ZNF518A: variants seen among roughly 807,000 people sequenced by gnomAD.
ZNF518A encodes zinc finger protein 518A.
A neutral mutation model predicts 102.7 loss-of-function variants in ZNF518A; 47 were observed. The ratio of observed to expected loss-of-function variants is 0.46; its 90% CI spans 0.36 to 0.58. The LOEUF (loss-of-function observed/expected upper bound fraction) is 0.58. ZNF518A is among the 20% of genes least tolerant of loss of function. The pLI is 0.00. For synonymous variants in ZNF518A, 652 were observed against 594.6 expected (o/e 1.10, Z -1.40); for missense variants, 1,793 against 1,699.8 (o/e 1.05, Z -0.96).
At chr10:96,154,287 A>T (rs1554881371) in intron 3 of ZNF518A, among the ~76,000 whole-genome samples, 1 of 152,178 alleles carries the variant, frequency 6.6e-6, no homozygotes, top group African/African-American at 2.4e-5. Flanking sequence ...GTGAGCCGTG[A>T]TGGTGCCACT....
At position 96,201,054 on chromosome 10, in the gene ZNF518A, A is replaced by G. The variant is rs782051821; in HGVS notation, n.36-2520A>G. Reference sequence around the variant, plus strand: ...CCACAGTTGGGTTTCCCCCTTCTGTAAATCCTGAAAGGGATCAGAAAAGTC... The same window carrying G: ...CCACAGTTGGGTTTCCCCCTTCTGTGAATCCTGAAAGGGATCAGAAAAGTC... On this transcript the variant is annotated intron_variant and non_coding_transcript_variant, in intron 1 of 2. Coordinates refer to the ZNF518A transcript ENST00000442635. 15 of 1,613,670 alleles carry G rather than the reference A, an allele frequency of 9.3e-6. 1 individual carries two copies. The highest frequency in any genetic ancestry group is 3.3e-4 in the Middle Eastern group (2 of 6,084).
At chr10:96,133,752 TATC>T (rs1188830794) in intron 3 of ZNF518A, 104 bp downstream of exon 3, 2 of 152,178 alleles carry the variant, frequency 1.3e-5, no homozygotes, top group East Asian at 1.9e-4. Flanking sequence ...TTGCTTTAAT[TATC>T]ATAATAACCG....
At chr10:96,151,800 G>A (rs1165546788) in intron 3 of ZNF518A, among the ~76,000 whole-genome samples, 1 of 152,164 alleles carries the variant, frequency 6.6e-6, no homozygotes, top group Non-Finnish European at 1.5e-5. Context: ...TAGCCATTTT[G>A]TAGGAGTTTT....
intron 1 of ZNF518A, among the ~76,000 whole-genome samples, chr10:96,168,873 A>G (rs782420319): frequency 6.6e-6 from 1 of 152,238 alleles, no homozygotes; most frequent in Admixed American, 6.5e-5. Flanking sequence ...GAGATTCTGG[A>G]GCTTTGTAGA....
intron 1 of ZNF518A, among the ~76,000 whole-genome samples, chr10:96,177,390 T>G (rs2083211969): frequency 6.6e-6 from 1 of 152,160 alleles, no homozygotes; most frequent in South Asian, 2.1e-4. Flanking sequence ...TTAAGAGAAA[T>G]TTTTTAGATA....
At position 96,160,483 on chromosome 10, in the gene ZNF518A, A is replaced by T. The variant is rs2082952531; in HGVS notation, c.4161A>T (p.Leu1387Phe). 9 of 1,613,212 alleles carry T rather than the reference A, an allele frequency of 5.6e-6. No homozygotes were observed. The East Asian group carries it at 2.0e-4, about 36-fold the overall frequency. Residue 1387 changes from leucine (L) to phenylalanine (F), a missense_variant, in exon 6 of 6, where the codon TTA becomes TTT. Leu to Phe is a conservative substitution (Grantham distance 22). Transcript: ENST00000316045. ...TGTCAAAAAGAACTATAAATGCTTT[A>T]CTGAAACCAGTTTGTTATAACCCTC... ...VSLSKRTINA[L>F]LKPVCYNPPK...
At chr10:96,152,744 G>A (rs2082511171) in intron 3 of ZNF518A, among the ~76,000 whole-genome samples, 1 of 152,218 alleles carries the variant, frequency 6.6e-6, no homozygotes, top group East Asian at 1.9e-4. Context: ...GTACTGAATA[G>A]TGTATGCAAA....
At chr10:96,179,051 T>C (rs2083222805) in intron 1 of ZNF518A, among the ~76,000 whole-genome samples, 1 of 152,164 alleles carries the variant, frequency 6.6e-6, no homozygotes, top group African/African-American at 2.4e-5. Context: ...TGTCATTTTA[T>C]GAGTCCAGCA....
chr10:96,142,303 A>AC (rs1564748215), intron 3 of ZNF518A, among the ~76,000 whole-genome samples: 1 of 92,476 alleles, frequency 1.1e-5, no homozygotes, highest in Admixed American at 1.2e-4. Context: ...TAATATTCTT[A>AC]GGGTGTGTGT....
chr10:96,166,123 G>C (rs1344472162), downstream of ZNF518A, among the ~76,000 whole-genome samples: 3 of 152,132 alleles, frequency 2.0e-5, no homozygotes, highest in Non-Finnish European at 4.4e-5. Context: ...GTTAGGCGTG[G>C]GGGGAGGAAG....
At chr10:96,137,387 G>C (rs2081653918) in intron 3 of ZNF518A, among the ~76,000 whole-genome samples, 1 of 152,070 alleles carries the variant, frequency 6.6e-6, no homozygotes, top group African/African-American at 2.4e-5. Flanking sequence ...AAAACTCCTT[G>C]AAAGAGTTGT....
chr10:96,142,356 T>TG (rs1564748601), intron 3 of ZNF518A, among the ~76,000 whole-genome samples: 9 of 127,940 alleles, frequency 7.0e-5, no homozygotes, highest in Non-Finnish European at 7.0e-5. Context: ...GTGTGTGTGT[T>TG]TCTAGATTCC....
At chr10:96,192,671 C>A (rs1372915607) in intron 1 of ZNF518A, among the ~76,000 whole-genome samples, 1 of 152,108 alleles carries the variant, frequency 6.6e-6, no homozygotes, top group East Asian at 1.9e-4. Flanking sequence ...ATGCTAGGCT[C>A]TCTCCATACA....
chr10:96,136,790 G>A (rs1420140042), intron 3 of ZNF518A, among the ~76,000 whole-genome samples: 3 of 152,200 alleles, frequency 2.0e-5, no homozygotes, highest in African/African-American at 7.2e-5. Flanking sequence ...ATTAAATGCT[G>A]TAGTTTCCTA....
intron 3 of ZNF518A, among the ~76,000 whole-genome samples, chr10:96,136,706 G>A (rs1447039067): frequency 6.6e-6 from 1 of 152,022 alleles, no homozygotes; most frequent in African/African-American, 2.4e-5. Context: ...AGTGATGATT[G>A]ATTGCTCATA....
intron 1 of ZNF518A, chr10:96,191,919 G>A (rs917851799): frequency 1.9e-5 from 31 of 1,609,274 alleles, no homozygotes; most frequent in Non-Finnish European, 2.3e-5. Context: ...TTCTCAAAAG[G>A]AGAAACTTTG....
chr10:96,138,932 G>A (rs2081762202), intron 3 of ZNF518A, among the ~76,000 whole-genome samples: 1 of 150,772 alleles, frequency 6.6e-6, no homozygotes, highest in Admixed American at 6.6e-5. Context: ...AGGATAAAGT[G>A]GCGAATTTTT....
intron 1 of ZNF518A, among the ~76,000 whole-genome samples, chr10:96,184,766 G>A (rs587672135): frequency 6.6e-6 from 1 of 152,232 alleles, no homozygotes; most frequent in East Asian, 1.9e-4. Context: ...TGGTGAATCT[G>A]ACAATTATGT....
rs141613606 is a variant in ZNF518A, at chr10:96,177,078, CAAAAA to C, written n.35+21046_35+21050del. Among the ~76,000 whole-genome samples the C allele has an allele frequency of 1.7e-3, 219 of 125,338 alleles. 3 individuals carry two copies. The highest frequency in any genetic ancestry group is 0.013 in the Middle Eastern group (3 of 240). The allele number at this position is 125,338 out of a possible 152,430, so 82.2% of individuals were successfully genotyped here. A position where few individuals can be genotyped will look rare whatever the true frequency, so the allele number is the denominator to read the frequency against. ...AGGGCAACAGAGTGAGTCTCTGTCT[CAAAAA>C]AAAAAAAAAAAAAATCACATTTCTG... is the stretch of plus-strand genomic sequence containing the variant. On this transcript the variant is annotated intron_variant and non_coding_transcript_variant, in intron 1 of 2. Transcript: ENST00000442635.
Sources: gnomAD v4.1 joint callset for allele counts (sites outside exome capture counted in the v4.1 genomes callset) on GRCh38, gnomAD v4.1.1 for gene constraint, MANE v1.5 for transcripts, NCBI Gene and HGNC (gene_info 2026-07-23, HGNC 2026-07-21) for gene names.